Variants in ZFR observed in about 807,000 individuals in gnomAD.
ZFR encodes the protein zinc finger RNA binding protein.
A neutral mutation model predicts 130.7 loss-of-function variants in ZFR; 19 were observed. The observed-to-expected ratio is 0.15, with a 90% CI of 0.10 to 0.21. The LOEUF (loss-of-function observed/expected upper bound fraction) is 0.21, where lower values mean the gene tolerates loss of function less well. Ranked by LOEUF, ZFR falls within the 10% of genes least tolerant of loss-of-function variation. The pLI is 1.00. For synonymous variants in ZFR, 466 were observed against 456.9 expected (o/e 1.02, Z -0.25); for missense variants, 872 against 1,321.5 (o/e 0.66, Z 5.27).
chr5:32,402,979 A>C, intron 8 of ZFR, 127 bp downstream of exon 8: 1 of 894,182 alleles, frequency 1.1e-6, no homozygotes. Flanking sequence ...CAGATATGTG[A>C]AGAAACAAGG....
intron 11 of ZFR, among the ~76,000 whole-genome samples, chr5:32,393,814 C>T (rs1334219079): frequency 6.6e-6 from 1 of 152,138 alleles, no homozygotes; most frequent in Non-Finnish European, 1.5e-5. Flanking sequence ...TTCCATTTCC[C>T]ATATTCTATT....
intron 13 of ZFR, among the ~76,000 whole-genome samples, chr5:32,388,150 G>A (rs1191658854): frequency 6.6e-6 from 1 of 152,180 alleles, no homozygotes. Context: ...TGGGGCAGAA[G>A]CAACAAACAA....
Position 32,355,905 on chromosome 5 carries a change from T to C in ZFR, c.3080A>G (p.His1027Arg). 1 of 1,600,246 alleles carries C rather than the reference T, an allele frequency of 6.2e-7. No homozygotes were observed. The highest frequency in any genetic ancestry group is 8.5e-7 in the Non-Finnish European group (1 of 1,175,850). ...ALRLLAFRQI[H>R]KVLGMDPLPQ... Reference sequence around the variant, plus strand: ...TAATGGATCCATGCCTAGAACTTTGTGTATCTGGCGGAATGCAAGGAGTCT... The same window carrying C: ...TAATGGATCCATGCCTAGAACTTTGCGTATCTGGCGGAATGCAAGGAGTCT... Residue 1027 changes from histidine to arginine, a missense_variant, in exon 20 of 20, where the codon CAC (histidine) becomes CGC (arginine). Coordinates refer to ENST00000265069, the MANE Select transcript of ZFR (RefSeq NM_016107.5).
chr5:32,415,824 AAG>A (rs1169290505), intron 4 of ZFR, among the ~76,000 whole-genome samples: 2 of 152,194 alleles, frequency 1.3e-5, no homozygotes, highest in Non-Finnish European at 2.9e-5. Context: ...TATATTTTGA[AAG>A]AGTCTTAGAA....
rs70961626 is a variant in ZFR at position 32,397,849 on chromosome 5, C to CTTTTTTT, written c.1714-518_1714-512dup. Among the ~76,000 whole-genome samples, 69 of 66,868 alleles carry CTTTTTTT rather than the reference C, an allele frequency of 1.0e-3. 14 individuals carry two copies. Among genetic ancestry groups the CTTTTTTT allele is most frequent in the Admixed American group, 1.8e-3 (7 of 3,916 alleles). 43.9% of individuals were successfully genotyped at this position (66,868 alleles called of 152,430 possible). ...TGATAGCATGTGTTTGCTCTTGTAT[C>CTTTTTTT]TTTTTTTTTTTTTTTTTTTTTTTTT... is the stretch of plus-strand genomic sequence containing the variant. On this transcript the variant is annotated intron_variant, in intron 9 of 19. Transcript: ENST00000265069.
intron 17 of ZFR, among the ~76,000 whole-genome samples, chr5:32,377,243 CTT>C (rs1446455848): frequency 6.6e-6 from 1 of 150,872 alleles, no homozygotes; most frequent in Admixed American, 6.6e-5. Context: ...TCCTCTCTCT[CTT>C]TCTTTCGAGA....
rs533700162 is a variant in ZFR, at chr5:32,361,824, C to T, written c.3045+2124G>A. Among the ~76,000 whole-genome samples, 67 of 152,032 alleles carry T rather than the reference C, an allele frequency of 4.4e-4. 1 individual carries two copies. The highest frequency in any genetic ancestry group is 1.5e-3 in the African/African-American group (64 of 41,476). On this transcript the variant is annotated intron_variant, in intron 19 of 19. Coordinates refer to ENST00000265069, the MANE Select transcript of ZFR (RefSeq NM_016107.5). ...TTTTAGTAGACACAGGGTTTTGCCACGTTGGTCTCAAACTCCTGACCTCAG... is the reference window on the plus strand; with the variant it reads ...TTTTAGTAGACACAGGGTTTTGCCATGTTGGTCTCAAACTCCTGACCTCAG...
At chr5:32,367,695 A>G (rs1314315006) in intron 17 of ZFR, among the ~76,000 whole-genome samples, 1 of 152,170 alleles carries the variant, frequency 6.6e-6, no homozygotes, top group African/African-American at 2.4e-5. Context: ...ATTACAGGCC[A>G]AAGTGATGAG....
At chr5:32,442,474 C>CT (rs756402962) in intron 2 of ZFR, among the ~76,000 whole-genome samples, 1 of 152,132 alleles carries the variant, frequency 6.6e-6, no homozygotes, top group Non-Finnish European at 1.5e-5. Context: ...GTAGCTGAAA[C>CT]TTTTTTTGTC....
At chr5:32,409,779 T>C (rs1753658859) in intron 5 of ZFR, among the ~76,000 whole-genome samples, 1 of 152,208 alleles carries the variant, frequency 6.6e-6, no homozygotes, top group Non-Finnish European at 1.5e-5. Context: ...GACTATATTA[T>C]AATCTGTTAC....
At chr5:32,364,426 T>C in intron 17 of ZFR, 151 bp from the exon 18 acceptor site, 1 of 498,400 alleles carries the variant, frequency 2.0e-6, no homozygotes, top group Non-Finnish European at 3.6e-6. Context: ...ACATATAATA[T>C]AAAAACATTC....
chr5:32,360,153 A>G (rs910311702), intron 19 of ZFR, among the ~76,000 whole-genome samples: 26 of 152,154 alleles, frequency 1.7e-4, no homozygotes, highest in African/African-American at 5.8e-4. Context: ...ATTCAAGGAA[A>G]TTTTACAGTC....
chr5:32,411,229 G>A (rs1445753079), intron 5 of ZFR, among the ~76,000 whole-genome samples: 1 of 152,114 alleles, frequency 6.6e-6, no homozygotes, highest in African/African-American at 2.4e-5. Flanking sequence ...GTTCAAAGAC[G>A]AATGAGAATA....
At chr5:32,356,647 C>T (rs1427451234) in intron 19 of ZFR, among the ~76,000 whole-genome samples, 2 of 152,080 alleles carry the variant, frequency 1.3e-5, no homozygotes, top group African/African-American at 4.8e-5. Context: ...TCTCGATCTC[C>T]TGACCTCGTG....
chr5:32,433,118 C>T (rs945078472), intron 2 of ZFR, among the ~76,000 whole-genome samples: 1 of 151,854 alleles, frequency 6.6e-6, no homozygotes, highest in East Asian at 1.9e-4. Context: ...CACAGGGGAG[C>T]GAGGTGGTTA....
chr5:32,369,222 CTGTT>C (rs1317750663), intron 17 of ZFR, among the ~76,000 whole-genome samples: 4 of 151,994 alleles, frequency 2.6e-5, no homozygotes, highest in African/African-American at 7.3e-5. Context: ...TAAGCTGAGA[CTGTT>C]TGTTCTTTGC....
chr5:32,405,799 T>C (rs923377217), intron 6 of ZFR, among the ~76,000 whole-genome samples: 2 of 152,184 alleles, frequency 1.3e-5, no homozygotes. Context: ...TTTCCTGCCA[T>C]ACTCAAAACA....
chr5:32,389,116 A>G (rs1320190601), intron 12 of ZFR, among the ~76,000 whole-genome samples: 1 of 152,188 alleles, frequency 6.6e-6, no homozygotes. Flanking sequence ...TTTTTGGTAG[A>G]CTGAACTTAC....
intron 19 of ZFR, among the ~76,000 whole-genome samples, chr5:32,358,625 G>A (rs754378068): frequency 6.6e-6 from 1 of 150,996 alleles, no homozygotes; most frequent in South Asian, 2.1e-4. Flanking sequence ...GCGAGACTCC[G>A]TCTCAAAGAA....
Sources: allele counts gnomAD v4.1 joint callset (sites outside exome capture counted in the v4.1 genomes callset), GRCh38; gene constraint gnomAD v4.1.1; transcripts MANE v1.5; gene names NCBI Gene and HGNC (gene_info 2026-07-23, HGNC 2026-07-21).